Variants in SMIM36 observed in about 807,000 individuals in gnomAD.
The protein encoded by SMIM36 is small integral membrane protein 36.
At chr17:55,481,608 AG>A (rs2143277100) in intron 1 of SMIM36, among the ~76,000 whole-genome samples, 1 of 152,348 alleles carries the variant, frequency 6.6e-6, no homozygotes, top group East Asian at 1.9e-4. Flanking sequence ...GTTCTAGCTA[AG>A]AAAAATTTAT....
upstream of SMIM36, among the ~76,000 whole-genome samples, chr17:55,512,386 T>C (rs2144726217): frequency 6.6e-6 from 1 of 152,326 alleles, no homozygotes; most frequent in East Asian, 1.9e-4. Context: ...ACTTTAGATA[T>C]GATCCTAGAG....
chr17:55,522,714 C>A, the SMIM36 span, among the ~76,000 whole-genome samples: 1 of 152,130 alleles, frequency 6.6e-6, no homozygotes, highest in Non-Finnish European at 1.5e-5. Context: ...TCACCTCCAT[C>A]CCTGGGCCAC....
chr17:55,493,892 C>T (rs1011555344), intron 1 of SMIM36, among the ~76,000 whole-genome samples: 2 of 148,158 alleles, frequency 1.3e-5, no homozygotes, highest in Admixed American at 1.3e-4. Context: ...AAGGACTAAT[C>T]TGTTGAATCA....
intron 1 of SMIM36, among the ~76,000 whole-genome samples, chr17:55,483,636 C>T (rs1909557407): frequency 1.3e-5 from 2 of 151,450 alleles, no homozygotes; most frequent in Non-Finnish European, 3.0e-5. Flanking sequence ...AAATGCCAGC[C>T]CCCAAAACTG....
chr17:55,501,277 T>G (rs1224999868), intron 1 of SMIM36, among the ~76,000 whole-genome samples: 2 of 76,478 alleles, frequency 2.6e-5, no homozygotes, highest in Admixed American at 2.3e-4. Context: ...ATATATTATA[T>G]TATATATTAT....
intron 1 of SMIM36, among the ~76,000 whole-genome samples, chr17:55,500,985 A>AT (rs1909921123): frequency 6.3e-5 from 3 of 47,594 alleles, no homozygotes; most frequent in Admixed American, 7.6e-4. Context: ...ATAATATATT[A>AT]TATATTATAA....
At chr17:55,464,563 A>G (rs1035473383) in intron 4 of SMIM36, among the ~76,000 whole-genome samples, 2 of 152,252 alleles carry the variant, frequency 1.3e-5, no homozygotes, top group African/African-American at 2.4e-5. Flanking sequence ...CATAAGGTAT[A>G]ACTCAGTACA....
At chr17:55,481,763 G>A (rs1036120699) in intron 1 of SMIM36, among the ~76,000 whole-genome samples, 3 of 152,020 alleles carry the variant, frequency 2.0e-5, no homozygotes, top group Non-Finnish European at 4.4e-5. Flanking sequence ...GTGCAATCTT[G>A]GCTCACTGCA....
chr17:55,490,993 ACCTGTAATCT>A (rs1310200511), intron 1 of SMIM36, among the ~76,000 whole-genome samples: 1 of 151,738 alleles, frequency 6.6e-6, no homozygotes, highest in Admixed American at 6.6e-5. Flanking sequence ...TGTGGCTCCC[ACCTGTAATCT>A]CAGCACTTTG....
intron 1 of SMIM36, among the ~76,000 whole-genome samples, chr17:55,501,502 ATAT>A (rs1480578306): frequency 1.3e-4 from 14 of 107,812 alleles, no homozygotes; most frequent in South Asian, 7.3e-4. Context: ...ATAATATAAT[ATAT>A]TATTATGTAT....
rs539678033 is a variant in SMIM36 at position 55,483,877 on chromosome 17, C to G, written c.*175-4297G>C. Among the ~76,000 whole-genome samples the G allele has an allele frequency of 1.0e-3, 159 of 152,266 alleles. 1 individual carries two copies. Among genetic ancestry groups the G allele is most frequent in the Non-Finnish European group, 1.7e-3 (115 of 68,024 alleles). ...TCCTAACCTCAAGTGATCTGCCTGCCTTGGCCTCCCAAAGTGCTGGAATTA... is the reference window on the plus strand; with the variant it reads ...TCCTAACCTCAAGTGATCTGCCTGCGTTGGCCTCCCAAAGTGCTGGAATTA... On this transcript the variant is annotated intron_variant, in intron 1 of 4. Coordinates refer to ENST00000636752, the Ensembl canonical transcript of SMIM36.
intron 1 of SMIM36, among the ~76,000 whole-genome samples, chr17:55,501,227 A>ATAATATATC (rs1567870985): frequency 8.8e-5 from 1 of 11,302 alleles, no homozygotes; most frequent in Admixed American, 1.6e-3. Flanking sequence ...TATATTATAT[A>ATAATATATC]TTATAATATA....
the SMIM36 span, among the ~76,000 whole-genome samples, chr17:55,517,902 G>A: frequency 3.3e-5 from 5 of 152,120 alleles, no homozygotes; most frequent in African/African-American, 1.2e-4. Context: ...AGAGGAATAA[G>A]GACAGAGCCT....
At chr17:55,458,469 T>G (rs1390101078) in intron 4 of SMIM36, 1 of 152,178 alleles carries the variant, frequency 6.6e-6, no homozygotes, top group African/African-American at 2.4e-5. Flanking sequence ...CCCACGGACC[T>G]AGGTGAGGAC....
chr17:55,487,996 AGAGGC>A (rs1909637093), intron 1 of SMIM36, among the ~76,000 whole-genome samples: 1 of 152,226 alleles, frequency 6.6e-6, no homozygotes, highest in Non-Finnish European at 1.5e-5. Flanking sequence ...AACCCCAGTA[AGAGGC>A]GAGGTGAGTA....
At chr17:55,472,896 A>T (rs1909365561) in intron 3 of SMIM36, among the ~76,000 whole-genome samples, 1 of 151,630 alleles carries the variant, frequency 6.6e-6, no homozygotes, top group Non-Finnish European at 1.5e-5. Context: ...AGAAAAGAAA[A>T]AAGAAAATGC....
chr17:55,493,875 G>A (rs894083614), intron 1 of SMIM36, among the ~76,000 whole-genome samples: 2 of 149,444 alleles, frequency 1.3e-5, no homozygotes, highest in Non-Finnish European at 3.0e-5. Context: ...AGTGGGCAGA[G>A]AGACAGAAGG....
the SMIM36 span, among the ~76,000 whole-genome samples, chr17:55,522,113 C>A: frequency 6.6e-6 from 1 of 152,176 alleles, no homozygotes; most frequent in Non-Finnish European, 1.5e-5. Context: ...CTACCTCTGT[C>A]CTCTCATTTT....
chr17:55,504,273 T>A (rs1910045388), intron 1 of SMIM36, among the ~76,000 whole-genome samples: 1 of 73,742 alleles, frequency 1.4e-5, no homozygotes, highest in Non-Finnish European at 2.2e-5. Context: ...AGAATATACA[T>A]TTTTTTCAGC....
Sources: allele counts gnomAD v4.1 joint callset (sites outside exome capture counted in the v4.1 genomes callset), GRCh38; gene constraint gnomAD v4.1.1; transcripts MANE v1.5; gene names NCBI Gene and HGNC (gene_info 2026-07-23, HGNC 2026-07-21).